ULK4: variants seen among roughly 807,000 people sequenced by gnomAD.
The protein encoded by ULK4 is unc-51 like kinase 4.
ULK4 carries 133 observed loss-of-function variants against 160.6 expected under a neutral mutation model. That is an observed-to-expected ratio of 0.83 (90% CI 0.72 to 0.96). The LOEUF is 0.96. ULK4 is among the 40% of genes least tolerant of loss of function. The probability of loss-of-function intolerance (pLI) is 0.00; values close to 1 mark genes in which losing one functional copy is unlikely to be tolerated. For synonymous variants in ULK4, 534 were observed against 539.8 expected, an observed-to-expected ratio of 0.99 and a Z score of 0.15; for missense variants, 1,580 against 1,499.5, an observed-to-expected ratio of 1.05 and a Z score of -0.89.
At chr3:41,548,759 C>T (rs1012248724) in intron 32 of ULK4, among the ~76,000 whole-genome samples, 2 of 151,440 alleles carry the variant, frequency 1.3e-5, no homozygotes, top group Non-Finnish European at 2.9e-5. Flanking sequence ...CTGGTGCCCA[C>T]CTATACCATC....
At position 41,736,518 on chromosome 3, in the gene ULK4, C is replaced by T. The variant is rs544694831; in HGVS notation, c.2321+17843G>A. On this transcript the variant is annotated intron_variant, in intron 22 of 36. Coordinates refer to ENST00000301831, the MANE Select transcript of ULK4 (RefSeq NM_017886.4). ...TTGAGAAGTGTCTGTTCATATCCTT[C>T]GCCCACTTTGTGATGGGGTTGTTTG... Among the ~76,000 whole-genome samples, 259 of 151,948 alleles carry T rather than the reference C, an allele frequency of 1.7e-3. 2 individuals are homozygous for T. In the South Asian group the frequency reaches 0.027, roughly 16 times the overall value.
chr3:41,327,578 G>A (rs1026469015), intron 35 of ULK4, among the ~76,000 whole-genome samples: 1 of 152,096 alleles, frequency 6.6e-6, no homozygotes, highest in Non-Finnish European at 1.5e-5. Flanking sequence ...GAATAGGCCG[G>A]TAGTCACCTT....
chr3:41,809,177 AAAAAAAAAAAC>A (rs1553659020), intron 19 of ULK4, among the ~76,000 whole-genome samples: 14 of 94,720 alleles, frequency 1.5e-4, no homozygotes, highest in Non-Finnish European at 2.5e-4. Flanking sequence ...AAAAAAAAAC[AAAAAAAAAAAC>A]AAAAAAAAAC....
intron 22 of ULK4, among the ~76,000 whole-genome samples, chr3:41,727,040 C>A (rs890840146): frequency 6.6e-6 from 1 of 152,160 alleles, no homozygotes; most frequent in Non-Finnish European, 1.5e-5. Context: ...ATTTATCTCT[C>A]TGATTCATTC....
intron 22 of ULK4, among the ~76,000 whole-genome samples, chr3:41,731,302 A>C (rs77010881): frequency 0.13 from 20,370 of 152,062 alleles, 4,444 homozygotes; most frequent in African/African-American, 0.46. Flanking sequence ...AAAAACTCTT[A>C]CAAATATTAA....
intron 32 of ULK4, among the ~76,000 whole-genome samples, chr3:41,532,633 G>C (rs1347364078): frequency 6.6e-6 from 1 of 152,084 alleles, no homozygotes; most frequent in African/African-American, 2.4e-5. Context: ...CTAGATCTGG[G>C]ATAAAGTTTT....
intron 34 of ULK4, among the ~76,000 whole-genome samples, chr3:41,432,376 T>C (rs1426727386): frequency 6.6e-6 from 1 of 152,158 alleles, no homozygotes; most frequent in Non-Finnish European, 1.5e-5. Flanking sequence ...GATGAACCAA[T>C]GAAGAAAACA....
intron 35 of ULK4, among the ~76,000 whole-genome samples, chr3:41,363,278 G>A (rs1204734999): frequency 5.3e-5 from 8 of 152,224 alleles, no homozygotes; most frequent in Admixed American, 5.2e-4. Context: ...GGACAGGGAA[G>A]GGTCAAGACT....
chr3:41,253,102 T>C lies in ULK4; in HGVS notation c.3679-3528A>G, dbSNP rs572621485. On this transcript the variant is annotated intron_variant, in intron 35 of 36. Transcript: ENST00000301831. Reference sequence around the variant, plus strand: ...TTTAGGAATGAAGGTGAAATAAAGATATTTTCAGATGAATGAAAACTAATA... The same window carrying C: ...TTTAGGAATGAAGGTGAAATAAAGACATTTTCAGATGAATGAAAACTAATA... Among the ~76,000 whole-genome samples, 13 of 152,186 alleles carry C rather than the reference T, an allele frequency of 8.5e-5. No homozygotes were observed. The South Asian group carries it at 2.7e-3, about 32-fold the overall frequency.
intron 32 of ULK4, among the ~76,000 whole-genome samples, chr3:41,542,523 T>TG (rs1167421880): frequency 6.6e-6 from 1 of 152,196 alleles, no homozygotes; most frequent in Non-Finnish European, 1.5e-5. Flanking sequence ...ATCAGGATGA[T>TG]GCTGGCCTCA....
At chr3:41,865,731 T>G (rs183398727) in intron 17 of ULK4, among the ~76,000 whole-genome samples, 2 of 152,282 alleles carry the variant, frequency 1.3e-5, no homozygotes, top group East Asian at 3.9e-4. Context: ...CCAAAAAATT[T>G]TTTTAAATAA....
At chr3:41,810,742 T>C (rs1277720985) in intron 19 of ULK4, among the ~76,000 whole-genome samples, 1 of 152,226 alleles carries the variant, frequency 6.6e-6, no homozygotes, top group African/African-American at 2.4e-5. Flanking sequence ...GTGTATAGTT[T>C]TGTGGCAGCA....
intron 3 of ULK4, 37 bp from the exon 4 acceptor site, chr3:41,935,977 C>G (rs757339711): frequency 1.3e-6 from 2 of 1,561,406 alleles, no homozygotes; most frequent in Non-Finnish European, 1.7e-6. Flanking sequence ...ATTTCAACCC[C>G]CTACCATCAC....
chr3:41,518,900 A>C (rs2085838976), intron 32 of ULK4, among the ~76,000 whole-genome samples: 1 of 152,220 alleles, frequency 6.6e-6, no homozygotes, highest in South Asian at 2.1e-4. Flanking sequence ...AACAATTTAC[A>C]TCTTAATAGC....
At chr3:41,593,457 C>T (rs920601252) in intron 31 of ULK4, among the ~76,000 whole-genome samples, 26 of 152,142 alleles carry the variant, frequency 1.7e-4, no homozygotes, top group African/African-American at 6.0e-4. Flanking sequence ...AAATCTGAAC[C>T]ATGTTGCAGG....
At chr3:41,877,992 T>A (rs1203846196) in intron 17 of ULK4, among the ~76,000 whole-genome samples, 4 of 147,044 alleles carry the variant, frequency 2.7e-5, no homozygotes, top group Non-Finnish European at 6.0e-5. Flanking sequence ...AATAAAAAAA[T>A]CTGAATTGGA....
At chr3:41,314,100 G>C (rs1215768252) in intron 35 of ULK4, among the ~76,000 whole-genome samples, 1 of 152,164 alleles carries the variant, frequency 6.6e-6, no homozygotes, top group African/African-American at 2.4e-5. Context: ...ATGTCCTGTG[G>C]AGCAGAGGAA....
At chr3:41,610,315 A>AT (rs2032612424) in intron 31 of ULK4, among the ~76,000 whole-genome samples, 1 of 152,064 alleles carries the variant, frequency 6.6e-6, no homozygotes. Flanking sequence ...CAATATATAC[A>AT]TTTTTTAAAT....
chr3:41,727,184 C>T (rs974070246), intron 22 of ULK4, among the ~76,000 whole-genome samples: 1 of 151,920 alleles, frequency 6.6e-6, no homozygotes, highest in Non-Finnish European at 1.5e-5. Context: ...GATTCTAAGG[C>T]CAAACTCAGC....
Sources: allele counts gnomAD v4.1 joint callset (sites outside exome capture counted in the v4.1 genomes callset), GRCh38; gene constraint gnomAD v4.1.1; transcripts MANE v1.5; gene names NCBI Gene and HGNC (gene_info 2026-07-23, HGNC 2026-07-21).